The following EFL1 variants were observed in gnomAD, a reference collection of about 807,000 sequenced individuals.
The protein encoded by EFL1 is elongation factor like GTPase 1.
Under a neutral mutation model 126.7 loss-of-function variants are expected in EFL1, and 76 were observed. That is an observed-to-expected ratio of 0.60 (90% CI 0.50 to 0.73). The LOEUF is 0.73. Among genes scored for constraint, EFL1 ranks in the 30% least tolerant of loss-of-function variants. The pLI is 0.00. For synonymous variants in EFL1, 410 were observed against 448.4 expected (o/e 0.91, Z 1.08); for missense variants, 1,128 against 1,343.2 (o/e 0.84, Z 2.50).
intron 15 of EFL1, among the ~76,000 whole-genome samples, chr15:82,177,578 A>C (rs1245745707): frequency 6.6e-6 from 1 of 152,200 alleles, no homozygotes; most frequent in African/African-American, 2.4e-5. Context: ...GTTCACATGA[A>C]GTTTTTGGTC....
At chr15:82,252,862 TA>T in intron 3 of EFL1, 87 bp from the exon 4 acceptor site, 1 of 881,840 alleles carries the variant, frequency 1.1e-6, no homozygotes. Flanking sequence ...TTGTTTTAAA[TA>T]CTTATATTTA....
intron 14 of EFL1, among the ~76,000 whole-genome samples, chr15:82,216,518 G>A (rs2074648438): frequency 6.6e-6 from 1 of 151,950 alleles, no homozygotes; most frequent in Non-Finnish European, 1.5e-5. Context: ...GAGACAACCA[G>A]AAAAAAATAA....
At chr15:82,191,005 A>T (rs2074353773) in intron 15 of EFL1, among the ~76,000 whole-genome samples, 2 of 149,818 alleles carry the variant, frequency 1.3e-5, no homozygotes. Context: ...TTTCCATCTT[A>T]TTGGTATCCC....
intron 15 of EFL1, among the ~76,000 whole-genome samples, chr15:82,214,144 A>C (rs1274645442): frequency 6.6e-6 from 1 of 152,228 alleles, no homozygotes; most frequent in Non-Finnish European, 1.5e-5. Context: ...GATGCAAGAG[A>C]AATTTCTTAA....
chr15:82,188,353 CT>C (rs2074323294), intron 15 of EFL1, among the ~76,000 whole-genome samples: 1 of 151,898 alleles, frequency 6.6e-6, no homozygotes. Flanking sequence ...ATTTTCTTAT[CT>C]TTTTTCCTCT....
chr15:82,161,132 CTGAAAGAAAAGAAG>C (rs2074019636), intron 16 of EFL1, among the ~76,000 whole-genome samples: 1 of 151,388 alleles, frequency 6.6e-6, no homozygotes, highest in African/African-American at 2.4e-5. Context: ...TTGCTTCTCC[CTGAAAGAAAAGAAG>C]CAAACTGTTG....
chr15:82,157,440 T>G, intron 17 of EFL1: 1 of 266,998 alleles, frequency 3.7e-6, no homozygotes, highest in Non-Finnish European at 7.1e-6. Context: ...TTTTGTGTGT[T>G]TTGTGTACAT....
chr15:82,216,715 T>C (rs2074650837), intron 14 of EFL1, among the ~76,000 whole-genome samples: 1 of 152,084 alleles, frequency 6.6e-6, no homozygotes, highest in African/African-American at 2.4e-5. Flanking sequence ...ACATGAAAAG[T>C]AAAATATTAA....
intron 18 of EFL1, among the ~76,000 whole-genome samples, chr15:82,139,284 C>A (rs931163663): frequency 9.2e-5 from 14 of 152,196 alleles, no homozygotes; most frequent in Non-Finnish European, 1.3e-4. Context: ...GCTTAGTAGG[C>A]AAGCAACTGG....
chr15:82,146,886 G>A (rs2073852183), intron 18 of EFL1, among the ~76,000 whole-genome samples: 1 of 152,132 alleles, frequency 6.6e-6, no homozygotes, highest in African/African-American at 2.4e-5. Context: ...AAAGAACCCT[G>A]AGGGTTAAAA....
At chr15:82,169,721 C>T (rs1261753841) in intron 15 of EFL1, among the ~76,000 whole-genome samples, 1 of 151,830 alleles carries the variant, frequency 6.6e-6, no homozygotes, top group Non-Finnish European at 1.5e-5. Context: ...CATTTGGCGT[C>T]TAAGTTTCAA....
At chr15:82,250,938 G>A (rs1409667505) in intron 4 of EFL1, among the ~76,000 whole-genome samples, 2 of 152,142 alleles carry the variant, frequency 1.3e-5, no homozygotes, top group South Asian at 2.1e-4. Context: ...CTGGCTGGGC[G>A]CGGTGGCTCC....
At chr15:82,143,074 T>C (rs2073806042) in intron 18 of EFL1, among the ~76,000 whole-genome samples, 1 of 152,154 alleles carries the variant, frequency 6.6e-6, no homozygotes, top group Non-Finnish European at 1.5e-5. Context: ...ATTAAAGGTA[T>C]GTTGTTTTTT....
At chr15:82,171,211 T>C (rs1193524201) in intron 15 of EFL1, among the ~76,000 whole-genome samples, 2 of 152,226 alleles carry the variant, frequency 1.3e-5, no homozygotes, top group Non-Finnish European at 2.9e-5. Context: ...AGGTGAAAAC[T>C]AGAGGAGGGC....
chr15:82,245,747 CAT>C (rs2141331948), intron 4 of EFL1, among the ~76,000 whole-genome samples: 1 of 151,984 alleles, frequency 6.6e-6, no homozygotes, highest in South Asian at 2.1e-4. Context: ...GCCTGGACAA[CAT>C]GGTAAGACCA....
chr15:82,169,745 G>C (rs1193289939), intron 15 of EFL1, among the ~76,000 whole-genome samples: 2 of 152,068 alleles, frequency 1.3e-5, no homozygotes, highest in Non-Finnish European at 2.9e-5. Flanking sequence ...TCAGGAAGCT[G>C]TGCTTTCAAA....
chr15:82,152,411 A>G lies in EFL1; in HGVS notation c.2043T>C (p.Ile681=). ...LDDLKERFAK[I]HISVSEPIIP... ...TAATAGGTTCAGATACACTGATATGAATCTTTGCAAACCTACAGACAAATT... is the reference window on the plus strand; with the variant it reads ...TAATAGGTTCAGATACACTGATATGGATCTTTGCAAACCTACAGACAAATT... The change falls in exon 18 of 20, where the codon ATT becomes ATC. Residue 681 remains isoleucine, a synonymous_variant. Transcript: ENST00000268206. 6.2e-7 allele frequency: 1 copy of G among 1,605,376 alleles called. No individual in the cohort carries two copies. Among genetic ancestry groups the G allele is most frequent in the Non-Finnish European group, 8.5e-7 (1 of 1,177,558 alleles).
At chr15:82,162,514 T>C (rs1275082497) in intron 16 of EFL1, among the ~76,000 whole-genome samples, 1 of 152,058 alleles carries the variant, frequency 6.6e-6, no homozygotes, top group Non-Finnish European at 1.5e-5. Flanking sequence ...GCCAGCCTAG[T>C]GAGTAGAATA....
intron 15 of EFL1, among the ~76,000 whole-genome samples, chr15:82,206,756 T>G (rs1366575374): frequency 6.6e-5 from 10 of 151,994 alleles, no homozygotes; most frequent in African/African-American, 1.7e-4. Flanking sequence ...CAATAACAAT[T>G]AACAACTAAC....
Sources: allele counts gnomAD v4.1 joint callset (sites outside exome capture counted in the v4.1 genomes callset), GRCh38; gene constraint gnomAD v4.1.1; transcripts MANE v1.5; gene names NCBI Gene and HGNC (gene_info 2026-07-23, HGNC 2026-07-21).